PRRC2B: variants seen among roughly 807,000 people sequenced by gnomAD.
PRRC2B encodes protein PRRC2B.
PRRC2B carries 68 observed loss-of-function variants against 242.3 expected under a neutral mutation model. That is an observed-to-expected ratio of 0.28 (90% CI 0.23 to 0.34). The LOEUF (loss-of-function observed/expected upper bound fraction) is 0.34. Ranked by LOEUF, PRRC2B falls within the 10% of genes least tolerant of loss-of-function variation. The probability of loss-of-function intolerance (pLI) is 1.00; values close to 1 mark genes in which losing one functional copy is unlikely to be tolerated. For synonymous variants in PRRC2B, 1,228 were observed against 1,173.6 expected (o/e 1.05, Z -0.95); for missense variants, 2,835 against 2,954.8 (o/e 0.96, Z 0.94).
intron 1 of PRRC2B, among the ~76,000 whole-genome samples, chr9:131,408,969 T>C (rs1396285274): frequency 3.3e-5 from 5 of 150,948 alleles, no homozygotes; most frequent in Admixed American, 1.3e-4. Flanking sequence ...TCCACCCCCC[T>C]CGGCCTCCCA....
chr9:131,444,442 A>G, intron 6 of PRRC2B, 114 bp downstream of exon 6: 1 of 1,174,172 alleles, frequency 8.5e-7, no homozygotes, highest in Middle Eastern at 3.0e-4. Context: ...CGAGCTGGAA[A>G]CGTGGCTCTT....
intron 9 of PRRC2B, among the ~76,000 whole-genome samples, chr9:131,453,772 TC>T (rs1942993157): frequency 6.6e-6 from 1 of 152,180 alleles, no homozygotes; most frequent in South Asian, 2.1e-4. Context: ...CCTCAAGTGA[TC>T]CTCCTGCCTT....
chr9:131,446,529 A>G lies in PRRC2B; in HGVS notation c.742A>G (p.Ser248Gly). 1.9e-6 allele frequency: 3 copies of G among 1,613,964 alleles called. No individual in the cohort carries two copies. The highest frequency in any genetic ancestry group is 1.7e-6 in the Non-Finnish European group (2 of 1,179,874). Residue 248 changes from serine (S) to glycine (G), a missense_variant, in exon 7 of 32, where the codon AGC (serine) becomes GGC (glycine). Transcript: ENST00000683519. The surrounding 1 kb of genome is among the most constrained non-coding windows in gnomAD (Gnocchi z 4.1). ...GDGAPSSACT[S>G]DSKDPSLRPA... ...TGGAGCCCCCTCCTCGGCATGTACC[A>G]GCGATTCTAAGGACCCCTCTCTCCG...
At chr9:131,385,683 A>G (rs763227944) in intron 1 of PRRC2B, among the ~76,000 whole-genome samples, 14 of 150,636 alleles carry the variant, frequency 9.3e-5, no homozygotes, top group Non-Finnish European at 2.1e-4. Flanking sequence ...AATGCTCAGT[A>G]AACAACAGCT....
intron 2 of PRRC2B, among the ~76,000 whole-genome samples, chr9:131,432,330 A>C (rs1047416069): frequency 6.6e-6 from 1 of 152,004 alleles, no homozygotes; most frequent in African/African-American, 2.4e-5. Context: ...CTGTCTCCTC[A>C]CCCATGTTGT....
chr9:131,457,072 A>C (rs1943103626), intron 10 of PRRC2B, among the ~76,000 whole-genome samples: 1 of 152,262 alleles, frequency 6.6e-6, no homozygotes, highest in East Asian at 1.9e-4. Context: ...TTGTTATTTC[A>C]TCCTTTACTT....
intron 28 of PRRC2B, 114 bp downstream of exon 28, chr9:131,488,210 G>A (rs1944081311): frequency 6.5e-6 from 9 of 1,392,822 alleles, no homozygotes; most frequent in Admixed American, 5.2e-5. Flanking sequence ...TTGGTTGGTA[G>A]CCACCGTGCC....
chr9:131,407,373 G>A (rs902437637), intron 1 of PRRC2B, among the ~76,000 whole-genome samples: 2 of 152,170 alleles, frequency 1.3e-5, no homozygotes, highest in African/African-American at 4.8e-5. Flanking sequence ...GAGTCTGTGG[G>A]TAAGGTGTTT....
chr9:131,493,726 A>G (rs1944255980), intron 30 of PRRC2B, among the ~76,000 whole-genome samples: 1 of 152,212 alleles, frequency 6.6e-6, no homozygotes, highest in South Asian at 2.1e-4. Flanking sequence ...CTGCAAAAAC[A>G]AGGGTTCCCT....
chr9:131,471,355 C>T (rs1164591712), intron 14 of PRRC2B, among the ~76,000 whole-genome samples: 1 of 152,092 alleles, frequency 6.6e-6, no homozygotes, highest in African/African-American at 2.4e-5. Flanking sequence ...TTCTTCATTC[C>T]TCTAACTTAT....
In PRRC2B at chr9:131,494,034, C is replaced by T. The variant is rs1039418175; in HGVS notation, c.6474-371C>T. The stretch of plus-strand genomic sequence containing the variant: ...ACAGTTCTGGCTCAGCGTCAGGCTT[C>T]TAGGCCTTTTGTCTGGGGCACTGCA... On this transcript the variant is annotated intron_variant, in intron 30 of 31. Transcript: ENST00000683519. This position sits in a 1 kb window ranked among gnomAD's most constrained non-coding sequence, Gnocchi z 4.3. Among the ~76,000 whole-genome samples the T allele has an allele frequency of 5.3e-5, 8 of 152,250 alleles. No individual in the cohort carries two copies. The highest frequency in any genetic ancestry group is 1.7e-4 in the African/African-American group (7 of 41,462).
In PRRC2B at chr9:131,475,223, G is replaced by A; in HGVS notation, c.3094G>A (p.Ala1032Thr). ...EEEKPDKAWEARPPRESSDVP... is the reference protein window; with the variant it reads ...EEEKPDKAWETRPPRESSDVP... The stretch of plus-strand genomic sequence containing the variant: ...GGAGAAACCTGACAAGGCCTGGGAA[G>A]CCAGACCCCCACGAGAGTCCAGCGA... The change falls in exon 16 of 32, where the codon GCC becomes ACC. Residue 1032 changes from alanine (A) to threonine (T), a missense_variant. Transcript: ENST00000683519. 6.2e-7 allele frequency: 1 copy of A among 1,613,778 alleles called. No individual in the cohort carries two copies. Among genetic ancestry groups the A allele is most frequent in the Non-Finnish European group, 8.5e-7 (1 of 1,179,876 alleles).
chr9:131,439,756 C>A (rs1838495491), intron 5 of PRRC2B, among the ~76,000 whole-genome samples: 1 of 152,204 alleles, frequency 6.6e-6, no homozygotes, highest in East Asian at 1.9e-4. Flanking sequence ...TCCCAAGGGG[C>A]TGAGGGTACA....
At chr9:131,445,121 C>A (rs949523300) in intron 6 of PRRC2B, among the ~76,000 whole-genome samples, 1 of 152,016 alleles carries the variant, frequency 6.6e-6, no homozygotes, top group Non-Finnish European at 1.5e-5. Context: ...AACCAGCACT[C>A]ACTGCCTTTC....
At chr9:131,412,938 T>G (rs1284429641) in intron 1 of PRRC2B, among the ~76,000 whole-genome samples, 1 of 151,712 alleles carries the variant, frequency 6.6e-6, no homozygotes, top group Non-Finnish European at 1.5e-5. Flanking sequence ...GGATTATAGG[T>G]GTAAAAAGTA....
At chr9:131,396,623 G>T (rs1375843617) in intron 1 of PRRC2B, among the ~76,000 whole-genome samples, 2 of 152,128 alleles carry the variant, frequency 1.3e-5, no homozygotes, top group South Asian at 4.1e-4. Context: ...ACCGCGCCCG[G>T]TCTTCTTTCT....
intron 5 of PRRC2B, among the ~76,000 whole-genome samples, chr9:131,441,251 G>A (rs936882563): frequency 2.0e-5 from 3 of 152,178 alleles, no homozygotes; most frequent in African/African-American, 7.2e-5. Flanking sequence ...TTTTTTTGAG[G>A]GAGTCAGAAG....
At chr9:131,420,455 TTC>T (rs1190142181) in intron 1 of PRRC2B, among the ~76,000 whole-genome samples, 18 of 10,068 alleles carry the variant, frequency 1.8e-3, no homozygotes, top group African/African-American at 3.0e-3. Context: ...CTTTTTCTTT[TTC>T]TTTCTTTCTT....
At chr9:131,375,156 A>G (rs983266906) in intron 1 of PRRC2B, among the ~76,000 whole-genome samples, 1 of 152,152 alleles carries the variant, frequency 6.6e-6, no homozygotes, top group African/African-American at 2.4e-5. Flanking sequence ...TAATCCCAGC[A>G]CTTTGGGAGG....
Sources: allele counts gnomAD v4.1 joint callset (sites outside exome capture counted in the v4.1 genomes callset), GRCh38; gene constraint gnomAD v4.1.1; non-coding constraint Gnocchi (gnomAD v3.1); transcripts MANE v1.5; gene names NCBI Gene and HGNC (gene_info 2026-07-23, HGNC 2026-07-21).